Variants in GRIK1 observed in about 807,000 individuals in gnomAD.
GRIK1 encodes glutamate receptor ionotropic, kainate 1.
GRIK1 carries 69 observed loss-of-function variants against 105.7 expected under a neutral mutation model. The ratio of observed to expected loss-of-function variants is 0.65; its 90% confidence interval spans 0.54 to 0.80. The LOEUF (loss-of-function observed/expected upper bound fraction) is 0.80, where lower values mean the gene tolerates loss of function less well. Among genes scored for constraint, GRIK1 ranks in the 30% least tolerant of loss-of-function variants. The probability of loss-of-function intolerance (pLI) is 0.00; values close to 1 mark genes in which losing one functional copy is unlikely to be tolerated. For synonymous variants in GRIK1, 438 were observed against 431.3 expected, an observed-to-expected ratio of 1.02 and a Z score of -0.19; for missense variants, 1,109 against 1,167.3, an observed-to-expected ratio of 0.95 and a Z score of 0.73.
chr21:29,766,273 C>A lies in GRIK1; in HGVS notation c.119-72210G>T, dbSNP rs141876154. ...TAAAACAGTAGTTCTGAATCACAGACGATTTTATTGTCTCCACCCCTAGCT... is the reference window on the plus strand; with the variant it reads ...TAAAACAGTAGTTCTGAATCACAGAAGATTTTATTGTCTCCACCCCTAGCT... On this transcript the variant is annotated intron_variant, in intron 1 of 17. Coordinates refer to ENST00000327783, the MANE Select transcript of GRIK1 (RefSeq NM_001330994.2). 1.3e-3 allele frequency among the ~76,000 whole-genome samples: 197 copies of A among 152,234 alleles called. 1 individual carries two copies. Among genetic ancestry groups the A allele is most frequent in the African/African-American group, 4.6e-3 (191 of 41,544 alleles).
At chr21:29,828,202 G>A (rs1296556321) in intron 1 of GRIK1, among the ~76,000 whole-genome samples, 4 of 151,930 alleles carry the variant, frequency 2.6e-5, no homozygotes, top group African/African-American at 7.2e-5. Context: ...TGGTCAGGGA[G>A]GCTGCCCATA....
intron 14 of GRIK1, among the ~76,000 whole-genome samples, chr21:29,575,901 T>G (rs2090881953): frequency 1.3e-5 from 2 of 152,094 alleles, no homozygotes; most frequent in Non-Finnish European, 2.9e-5. Context: ...CCCCAAACAG[T>G]CCACTCAATG....
intron 2 of GRIK1, among the ~76,000 whole-genome samples, chr21:29,690,660 C>T (rs1019306561): frequency 2.0e-5 from 3 of 152,168 alleles, no homozygotes; most frequent in African/African-American, 4.8e-5. Context: ...CAACATCAGG[C>T]CTCTTTCTAC....
chr21:29,687,039 G>A (rs1442451082), intron 3 of GRIK1, among the ~76,000 whole-genome samples: 3 of 152,186 alleles, frequency 2.0e-5, no homozygotes, highest in Non-Finnish European at 4.4e-5. Flanking sequence ...GAGGCGAGAC[G>A]AAACTTTGCT....
At chr21:29,667,155 T>A in intron 4 of GRIK1, among the ~76,000 whole-genome samples, 1 of 152,220 alleles carries the variant, frequency 6.6e-6, no homozygotes, top group East Asian at 1.9e-4. Flanking sequence ...ATGTTTACCA[T>A]CCCTTAGCAT....
intron 1 of GRIK1, among the ~76,000 whole-genome samples, chr21:29,826,099 C>T (rs553130059): frequency 6.6e-6 from 1 of 152,236 alleles, no homozygotes; most frequent in South Asian, 2.1e-4. Context: ...CCTCTGCACA[C>T]ACTTTTCTCT....
intron 1 of GRIK1, among the ~76,000 whole-genome samples, chr21:29,920,007 T>C (rs957425222): frequency 2.0e-5 from 3 of 152,110 alleles, no homozygotes; most frequent in Non-Finnish European, 2.9e-5. Flanking sequence ...GAAAAACCAT[T>C]ACAGGAACAA....
chr21:29,892,314 A>G (rs754053105), intron 1 of GRIK1, among the ~76,000 whole-genome samples: 1 of 152,218 alleles, frequency 6.6e-6, no homozygotes, highest in Non-Finnish European at 1.5e-5. Flanking sequence ...CTAGGAGGTA[A>G]AGGAAGGAGG....
At chr21:29,860,134 G>A (rs576004504) in intron 1 of GRIK1, among the ~76,000 whole-genome samples, 4 of 152,218 alleles carry the variant, frequency 2.6e-5, no homozygotes, top group Non-Finnish European at 5.9e-5. Context: ...CTAGGCCAGG[G>A]TTTGTTAAGA....
intron 4 of GRIK1, among the ~76,000 whole-genome samples, chr21:29,670,542 A>G (rs1391639925): frequency 6.6e-6 from 1 of 152,180 alleles, no homozygotes; most frequent in African/African-American, 2.4e-5. Context: ...GCCACCATAC[A>G]CTGTTCTTGC....
chr21:29,937,307 C>G (rs2071794339), intron 1 of GRIK1, among the ~76,000 whole-genome samples: 1 of 152,170 alleles, frequency 6.6e-6, no homozygotes, highest in Admixed American at 6.5e-5. Flanking sequence ...ATGTCAGCCA[C>G]AGGACACTCC....
chr21:29,765,950 C>G (rs2065653924), intron 1 of GRIK1, among the ~76,000 whole-genome samples: 2 of 151,814 alleles, frequency 1.3e-5, no homozygotes, highest in Admixed American at 6.6e-5. Context: ...CTCCCGGGTT[C>G]ACGCCATTCT....
At chr21:29,621,715 C>CT (rs2062007104) in intron 7 of GRIK1, among the ~76,000 whole-genome samples, 1 of 152,072 alleles carries the variant, frequency 6.6e-6, no homozygotes, top group Admixed American at 6.6e-5. Flanking sequence ...ATGAAATGGT[C>CT]TTTTTTCCCA....
intron 10 of GRIK1, among the ~76,000 whole-genome samples, chr21:29,589,501 A>C (rs926217342): frequency 6.7e-6 from 1 of 150,054 alleles, no homozygotes; most frequent in African/African-American, 2.5e-5. Flanking sequence ...AGCTCACTGC[A>C]AGCTCCACCT....
intron 4 of GRIK1, among the ~76,000 whole-genome samples, chr21:29,664,097 G>A (rs2146610534): frequency 6.6e-6 from 1 of 152,320 alleles, no homozygotes; most frequent in African/African-American, 2.4e-5. Context: ...TACCAAGAAA[G>A]GGACAGAGCA....
chr21:29,741,718 C>T (rs889147252), intron 1 of GRIK1, among the ~76,000 whole-genome samples: 2 of 152,150 alleles, frequency 1.3e-5, no homozygotes, highest in Admixed American at 6.5e-5. Flanking sequence ...TGGAACATGA[C>T]CATTTTTATT....
intron 1 of GRIK1, among the ~76,000 whole-genome samples, chr21:29,722,831 G>T (rs1236862787): frequency 6.6e-6 from 1 of 152,146 alleles, no homozygotes; most frequent in Non-Finnish European, 1.5e-5. Flanking sequence ...AAAGCAAAGA[G>T]ATTGAATTGA....
intron 1 of GRIK1, among the ~76,000 whole-genome samples, chr21:29,894,309 C>T (rs1305357919): frequency 6.6e-6 from 1 of 152,134 alleles, no homozygotes; most frequent in Admixed American, 6.6e-5. Context: ...GGGAAGCCAA[C>T]AGTACAGCCT....
chr21:29,845,695 C>T (rs2068093076), intron 1 of GRIK1, among the ~76,000 whole-genome samples: 1 of 152,068 alleles, frequency 6.6e-6, no homozygotes, highest in Admixed American at 6.5e-5. Context: ...TTCTCATTTG[C>T]TCTTTGTTTA....
Sources: allele counts gnomAD v4.1 joint callset (sites outside exome capture counted in the v4.1 genomes callset), GRCh38; gene constraint gnomAD v4.1.1; transcripts MANE v1.5; gene names NCBI Gene and HGNC (gene_info 2026-07-23, HGNC 2026-07-21).